The following MXD1 variants were observed in gnomAD, a reference collection of about 807,000 sequenced individuals.
The protein encoded by MXD1 is MAX dimerization protein 1.
MXD1 carries 9 observed loss-of-function variants against 25.7 expected under a neutral mutation model. The observed-to-expected ratio is 0.35, with a 90% CI of 0.21 to 0.61. The LOEUF (loss-of-function observed/expected upper bound fraction) is 0.61. Among genes scored for constraint, MXD1 ranks in the 20% least tolerant of loss-of-function variants. The pLI, the probability that MXD1 is intolerant of heterozygous loss-of-function variation, is 0.75. For synonymous variants in MXD1, 99 were observed against 113.9 expected, an observed-to-expected ratio of 0.87 and a Z score of 0.83; for missense variants, 227 against 292.4, an observed-to-expected ratio of 0.78 and a Z score of 1.63.
intron 2 of MXD1, among the ~76,000 whole-genome samples, chr2:69,921,178 ACC>A (rs1290960347): frequency 1.3e-5 from 2 of 152,154 alleles, no homozygotes; most frequent in Non-Finnish European, 2.9e-5. Flanking sequence ...AACTTTGGAA[ACC>A]CCTTCCTAAA....
intron 5 of MXD1, 111 bp from the exon 6 acceptor site, chr2:69,937,986 A>G: frequency 1.0e-6 from 1 of 968,802 alleles, no homozygotes; most frequent in Non-Finnish European, 1.5e-6. Flanking sequence ...ACCTCAAGTG[A>G]TCCACCCGCC....
At chr2:69,931,003 T>A (rs1677268862) in intron 3 of MXD1, among the ~76,000 whole-genome samples, 3 of 152,220 alleles carry the variant, frequency 2.0e-5, no homozygotes, top group African/African-American at 7.2e-5. Flanking sequence ...AGAGCCAGGA[T>A]CTCAAACATT....
intron 5 of MXD1, 55 bp downstream of exon 5, chr2:69,937,449 AG>A (rs1677479368): frequency 7.1e-7 from 1 of 1,405,394 alleles, no homozygotes; most frequent in Non-Finnish European, 9.2e-7. Context: ...ACCCCAGAGC[AG>A]GGGTTCAGTA....
chr2:69,916,193 A>G lies in MXD1; in HGVS notation c.146A>G (p.Lys49Arg), dbSNP rs1228219961. The G allele has an allele frequency of 5.0e-6, 8 of 1,611,274 alleles. No individual in the cohort carries two copies. The highest frequency in any genetic ancestry group is 1.7e-5 in the Admixed American group (1 of 59,984). The change falls in exon 2 of 6, where the codon AAA (lysine) becomes AGA (arginine). Residue 49 changes from lysine (K) to arginine (R), a missense_variant. Physicochemically the swap from Lys to Arg is conservative, Grantham distance 26. Transcript: ENST00000264444. ...AGAGATGCCTTAAAACGGAGGAACA[A>G]ATCCAAAAAGAATAACAGCAGTAGC... The part of the protein sequence containing the change: ...KDRDALKRRN[K>R]SKKNNSSSRS...
Position 69,937,308 on chromosome 2 carries a change from G to C in MXD1, c.392G>C (p.Arg131Thr). The change falls in exon 5 of 6, where the codon AGG (arginine) becomes ACG (threonine). Residue 131 changes from arginine (R) to threonine (T), a missense_variant. Coordinates refer to ENST00000264444, the MANE Select transcript of MXD1 (RefSeq NM_002357.4). ...QLQREQRHLKRQLEKLGIERI... is the reference protein window; with the variant it reads ...QLQREQRHLKTQLEKLGIERI... ...CAGCGAGAGCAGCGACACCTGAAGA[G>C]GCAGCTGGAGAAGCTGGGCATTGAG... The C allele has an allele frequency of 3.7e-6, 6 of 1,614,220 alleles. No homozygotes were observed. Among genetic ancestry groups the C allele is most frequent in the Non-Finnish European group, 5.1e-6 (6 of 1,180,040 alleles).
intron 3 of MXD1, among the ~76,000 whole-genome samples, chr2:69,922,882 A>AC (rs1038889528): frequency 1.3e-5 from 2 of 150,824 alleles, no homozygotes; most frequent in African/African-American, 4.9e-5. Flanking sequence ...TCCGTCTCAA[A>AC]AAAAAAAAAA....
Position 69,938,863 on chromosome 2 carries a change from T to C in MXD1, c.*579T>C, listed in dbSNP as rs909677953. On this transcript the variant is annotated 3_prime_UTR_variant, in exon 6 of 6. Coordinates refer to ENST00000264444, the MANE Select transcript of MXD1 (RefSeq NM_002357.4). Reference sequence around the variant, plus strand: ...ATGCTCATTCCCCCGACGCGCCGCGTGTGGATGGGAGCAGTATTTCTCACT... The same window carrying C: ...ATGCTCATTCCCCCGACGCGCCGCGCGTGGATGGGAGCAGTATTTCTCACT... The C allele has an allele frequency of 1.3e-5, 2 of 152,946 alleles. No individual in the cohort carries two copies. Among genetic ancestry groups the C allele is most frequent in the Non-Finnish European group, 2.9e-5 (2 of 68,364 alleles). The allele number at this position is 152,946 out of a possible 1,614,324, so 9.5% of individuals were successfully genotyped here.
chr2:69,935,547 C>T, intron 4 of MXD1, 82 bp downstream of exon 4: 1 of 864,342 alleles, frequency 1.2e-6, no homozygotes, highest in Non-Finnish European at 1.9e-6. Context: ...GGACAGTCCT[C>T]TCCCCTGAAC....
chr2:69,937,324 G>A lies in MXD1; in HGVS notation c.408G>A (p.Leu136=). The change falls in exon 5 of 6, where the codon CTG becomes CTA. Residue 136 remains leucine, a synonymous_variant. Transcript: ENST00000264444. The stretch of plus-strand genomic sequence containing the variant: ...ACCTGAAGAGGCAGCTGGAGAAGCT[G>A]GGCATTGAGAGGATCCGGATGGACA... The part of the protein sequence containing the change: ...QRHLKRQLEK[L]GIERIRMDSI... 1 of 1,614,176 alleles carries A rather than the reference G, an allele frequency of 6.2e-7. No individual in the cohort carries two copies. The highest frequency in any genetic ancestry group is 8.5e-7 in the Non-Finnish European group (1 of 1,180,034).
At chr2:69,918,466 G>A (rs1677001102) in intron 2 of MXD1, among the ~76,000 whole-genome samples, 1 of 152,226 alleles carries the variant, frequency 6.6e-6, no homozygotes, top group African/African-American at 2.4e-5. Flanking sequence ...TGGAATATGG[G>A]AAGATGGAAG....
Position 69,938,430 on chromosome 2 carries a change from G to A in MXD1, c.*146G>A, listed in dbSNP as rs2104216855. ...TCAGCTTTGTAACTGTTTTCAAGGA[G>A]GTGCTTAGGATTGTGGGTTTCTGAT... On this transcript the variant is annotated 3_prime_UTR_variant, in exon 6 of 6. Transcript: ENST00000264444. 1.3e-6 allele frequency: 1 copy of A among 775,168 alleles called. No individual in the cohort carries two copies. Among genetic ancestry groups the A allele is most frequent in the Admixed American group, 2.9e-5 (1 of 34,542 alleles). 48.0% of individuals were successfully genotyped at this position (775,168 alleles called of 1,614,324 possible). A position where few individuals can be genotyped will look rare whatever the true frequency, so the allele number is the denominator to read the frequency against.
rs1038153746 is a variant in MXD1 at position 69,941,862 on chromosome 2, A to G, written c.*3578A>G. On this transcript the variant is annotated 3_prime_UTR_variant, in exon 6 of 6. Transcript: ENST00000264444. ...ACTTATTTTTGAAAAGTATCTATAT[A>G]TACACACACACACACACACACACAT... The G allele has an allele frequency of 2.7e-5, 4 of 146,874 alleles. No individual in the cohort carries two copies. Among genetic ancestry groups the G allele is most frequent in the African/African-American group, 1.0e-4 (4 of 39,288 alleles). 9.1% of individuals were successfully genotyped at this position (146,874 alleles called of 1,614,324 possible).
Position 69,924,707 on chromosome 2 carries a change from G to A in MXD1, c.203+2942G>A, listed in dbSNP as rs191588460. Among the ~76,000 whole-genome samples the A allele has an allele frequency of 5.3e-5, 8 of 151,368 alleles. No homozygotes were observed. The East Asian group carries it at 1.4e-3, about 26-fold the overall frequency. ...TTATCATGGCTTTCATTGCTTCTTG[G>A]CCTTTTGGCTAAAATCAAGTGTAAA... On this transcript the variant is annotated intron_variant, in intron 3 of 5. Coordinates refer to ENST00000264444, the MANE Select transcript of MXD1 (RefSeq NM_002357.4).
intron 2 of MXD1, among the ~76,000 whole-genome samples, chr2:69,916,952 A>T (rs6713743): frequency 0.017 from 2,630 of 152,330 alleles, 82 homozygotes; most frequent in African/African-American, 0.059. Flanking sequence ...ACATGCAAAT[A>T]GTCCATCAAT....
At chr2:69,933,200 C>CAAAAAAAAAAAAAAA (rs59201689) in intron 3 of MXD1, among the ~76,000 whole-genome samples, 1 of 80,142 alleles carries the variant, frequency 1.2e-5, no homozygotes, top group Non-Finnish European at 2.5e-5. Context: ...AACTCTGTCT[C>CAAAAAAAAAAAAAAA]AAAAAAAAAA....
rs1677642690 is a variant in MXD1 at position 69,942,859 on chromosome 2, A to G, written c.*4575A>G. The G allele has an allele frequency of 6.6e-6, 1 of 152,164 alleles. No homozygotes were observed. Among genetic ancestry groups the G allele is most frequent in the Non-Finnish European group, 1.5e-5 (1 of 68,038 alleles). 9.4% of individuals were successfully genotyped at this position (152,164 alleles called of 1,614,324 possible). ...AGCACATGCATTTTTAGAAACTACT[A>G]CATGTTTTAGAGAATCTTTGCTGTG... is the stretch of plus-strand genomic sequence containing the variant. On this transcript the variant is annotated 3_prime_UTR_variant, in exon 6 of 6. Transcript: ENST00000264444.
At chr2:69,922,834 C>G (rs1325530098) in intron 3 of MXD1, among the ~76,000 whole-genome samples, 1 of 151,496 alleles carries the variant, frequency 6.6e-6, no homozygotes, top group Non-Finnish European at 1.5e-5. Flanking sequence ...GAGCCGAGAT[C>G]CCGCCACTGC....
chr2:69,934,283 G>A (rs778919865), intron 3 of MXD1, among the ~76,000 whole-genome samples: 1 of 152,182 alleles, frequency 6.6e-6, no homozygotes, highest in African/African-American at 2.4e-5. Flanking sequence ...AGGCTTTAAG[G>A]AGGTGGTAAG....
Position 69,938,134 on chromosome 2 carries a change from C to T in MXD1, c.516C>T (p.Leu172=), listed in dbSNP as rs1447851930. The change falls in exon 6 of 6, where the codon CTC becomes CTT. Residue 172 remains leucine (L), a synonymous_variant. Coordinates refer to ENST00000264444, the MANE Select transcript of MXD1 (RefSeq NM_002357.4). ...IDVDVESTDY[L]TGDLDWSSSS... ...TTGACGTGGAGAGCACGGACTATCTCACAGGTGATCTGGACTGGAGCAGCA... is the reference window on the plus strand; with the variant it reads ...TTGACGTGGAGAGCACGGACTATCTTACAGGTGATCTGGACTGGAGCAGCA... The T allele has an allele frequency of 1.2e-6, 2 of 1,614,216 alleles. No individual in the cohort carries two copies. Among genetic ancestry groups the T allele is most frequent in the Non-Finnish European group, 1.7e-6 (2 of 1,180,040 alleles).
Sources: gnomAD v4.1 joint callset for allele counts (sites outside exome capture counted in the v4.1 genomes callset) on GRCh38, gnomAD v4.1.1 for gene constraint, MANE v1.5 for transcripts, NCBI Gene and HGNC (gene_info 2026-07-23, HGNC 2026-07-21) for gene names.